Variants in PCDHGB7 observed in about 807,000 individuals in gnomAD.
PCDHGB7 encodes protocadherin gamma subfamily B, 7.
In PCDHGB7, 37 loss-of-function variants were observed where a neutral mutation model predicts 61.4. The observed-to-expected ratio is 0.60, with a 90% CI of 0.46 to 0.79. The LOEUF (loss-of-function observed/expected upper bound fraction) is 0.79. Among genes scored for constraint, PCDHGB7 ranks in the 30% least tolerant of loss-of-function variants. The probability of loss-of-function intolerance (pLI) is 0.00; values close to 1 mark genes in which losing one functional copy is unlikely to be tolerated. For synonymous variants in PCDHGB7, 464 were observed against 503.5 expected (o/e 0.92, Z 1.05); for missense variants, 1,166 against 1,202.5 (o/e 0.97, Z 0.45).
Position 141,432,211 on chromosome 5 carries a change from C to A in PCDHGB7, c.2415+11937C>A, listed in dbSNP as rs1390215329. On this transcript the variant is annotated intron_variant, in intron 1 of 3. Coordinates refer to ENST00000398594, the MANE Select transcript of PCDHGB7 (RefSeq NM_018927.4). The surrounding 1 kb of genome is among the most constrained non-coding windows in gnomAD (Gnocchi z 6.0). The stretch of plus-strand genomic sequence containing the variant: ...CCCACGACCCCGACTGTGAAGAGAA[C>A]GCCCAGATCACTTATTCCCTGGCTG... 1 of 1,614,232 alleles carries A rather than the reference C, an allele frequency of 6.2e-7. No individual in the cohort carries two copies. Among genetic ancestry groups the A allele is most frequent in the Admixed American group, 1.7e-5 (1 of 60,032 alleles).
intron 1 of PCDHGB7, chr5:141,433,063 G>T (rs1411651811): frequency 3.1e-6 from 5 of 1,614,176 alleles, no homozygotes; most frequent in Non-Finnish European, 4.2e-6. Flanking sequence ...AGAGTCACCT[G>T]ATCTTCCCCC....
intron 1 of PCDHGB7, among the ~76,000 whole-genome samples, chr5:141,457,755 A>G (rs1011599369): frequency 2.0e-5 from 3 of 152,226 alleles, no homozygotes; most frequent in African/African-American, 4.8e-5. Flanking sequence ...GAGCCCAGAC[A>G]TGGGTTTGTA....
chr5:141,423,744 A>T, intron 1 of PCDHGB7: 4 of 429,458 alleles, frequency 9.3e-6, no homozygotes, highest in Non-Finnish European at 8.7e-6. Context: ...TGTTATGAAA[A>T]CTGTTTGGGG....
chr5:141,489,042 A>T lies in PCDHGB7; in HGVS notation c.2416-5765A>T. On this transcript the variant is annotated intron_variant, in intron 1 of 3. Coordinates refer to ENST00000398594, the MANE Select transcript of PCDHGB7 (RefSeq NM_018927.4). This position sits in a 1 kb window ranked among gnomAD's most constrained non-coding sequence, Gnocchi z 4.5. ...TCTCCTCCTCCAGCTCCCCAGCTCCACTCAAATTCAGCTCCCCTCCCCCCT... is the reference window on the plus strand; with the variant it reads ...TCTCCTCCTCCAGCTCCCCAGCTCCTCTCAAATTCAGCTCCCCTCCCCCCT... The T allele has an allele frequency of 4.2e-6, 2 of 473,800 alleles. No individual in the cohort carries two copies. The highest frequency in any genetic ancestry group is 3.7e-6 in the Non-Finnish European group (1 of 270,920). 29.3% of individuals were successfully genotyped at this position (473,800 alleles called of 1,614,324 possible).
chr5:141,468,763 G>A (rs1341363934), intron 1 of PCDHGB7, among the ~76,000 whole-genome samples: 1 of 152,078 alleles, frequency 6.6e-6, no homozygotes, highest in Non-Finnish European at 1.5e-5. Flanking sequence ...CTACTCGGGA[G>A]GCTGAGGCAG....
chr5:141,485,074 G>C lies in PCDHGB7; in HGVS notation c.2416-9733G>C, dbSNP rs2099606548. ...GGCCGAACCGCGCCAGAGCTGGCGC[G>C]GGGAAAGGGAGATAGGTGTCTCCAG... On this transcript the variant is annotated intron_variant, in intron 1 of 3. Coordinates refer to ENST00000398594, the MANE Select transcript of PCDHGB7 (RefSeq NM_018927.4). The surrounding 1 kb of genome is among the most constrained non-coding windows in gnomAD (Gnocchi z 5.7). 1 of 926,946 alleles carries C rather than the reference G, an allele frequency of 1.1e-6. No individual in the cohort carries two copies. The highest frequency in any genetic ancestry group is 1.6e-5 in the South Asian group (1 of 62,606). The allele number at this position is 926,946 out of a possible 1,614,324, so 57.4% of individuals were successfully genotyped here.
chr5:141,428,304 G>C, intron 1 of PCDHGB7: 1 of 695,706 alleles, frequency 1.4e-6, no homozygotes, highest in South Asian at 1.6e-5. Flanking sequence ...AGATTTACCT[G>C]GTCGTGGCCT....
intron 1 of PCDHGB7, chr5:141,478,233 T>G: frequency 6.2e-7 from 1 of 1,614,126 alleles, no homozygotes. Context: ...GTGGGGTTTG[T>G]GGTCACAGTG....
rs752604165 is a variant in PCDHGB7, at chr5:141,494,771, G to A, written c.2416-36G>A. On this transcript the variant is annotated intron_variant, in intron 1 of 3. Coordinates refer to ENST00000398594, the MANE Select transcript of PCDHGB7 (RefSeq NM_018927.4). ...CTCGGGTGACATTCTAACTTCTCAC[G>A]GGTACTCAGCCCCTTTCCCTCTGTT... 74 of 1,613,730 alleles carry A rather than the reference G, an allele frequency of 4.6e-5. No homozygotes were observed. The East Asian group carries it at 1.6e-3, about 36-fold the overall frequency.
chr5:141,478,011 G>A (rs1216659966), intron 1 of PCDHGB7: 1 of 1,614,088 alleles, frequency 6.2e-7, no homozygotes, highest in East Asian at 2.2e-5. Flanking sequence ...AGTACTGCCC[G>A]TCCAGTCCAA....
chr5:141,487,749 A>G lies in PCDHGB7; in HGVS notation c.2416-7058A>G, dbSNP rs574710316. 3.9e-5 allele frequency: 60 copies of G among 1,557,180 alleles called. No homozygotes were observed. The African/African-American group carries it at 5.6e-4, about 14-fold the overall frequency. ...GTCACCATTTTTGTAAGAGGTAACT[A>G]TGTGGTAGACGCTGTGCTTTGTAAC... is the stretch of plus-strand genomic sequence containing the variant. On this transcript the variant is annotated intron_variant, in intron 1 of 3. Coordinates refer to ENST00000398594, the MANE Select transcript of PCDHGB7 (RefSeq NM_018927.4). The surrounding 1 kb of genome is among the most constrained non-coding windows in gnomAD (Gnocchi z 5.0).
At chr5:141,423,885 A>G in intron 1 of PCDHGB7, 6 of 1,277,816 alleles carry the variant, frequency 4.7e-6, no homozygotes, top group Non-Finnish European at 5.9e-6. Flanking sequence ...ATCTTGGCAT[A>G]TTTTCTTTTG....
chr5:141,478,589 T>C, intron 1 of PCDHGB7: 2 of 1,573,336 alleles, frequency 1.3e-6, no homozygotes, highest in Non-Finnish European at 1.7e-6. Context: ...AGTGCTTTTT[T>C]ATTCCTACAT....
chr5:141,441,018 TG>T (rs1482478700), intron 1 of PCDHGB7: 1 of 152,164 alleles, frequency 6.6e-6, no homozygotes, highest in Non-Finnish European at 1.5e-5. Context: ...GATCAAATAG[TG>T]GAGAAATGAA....
At chr5:141,465,730 T>G (rs1373873081) in intron 1 of PCDHGB7, among the ~76,000 whole-genome samples, 2 of 152,186 alleles carry the variant, frequency 1.3e-5, no homozygotes, top group Non-Finnish European at 2.9e-5. Context: ...CCTCTTGTGC[T>G]TTGTTTTCAG....
intron 2 of PCDHGB7, 88 bp from the exon 3 acceptor site, chr5:141,505,305 C>G (rs1363643214): frequency 1.0e-5 from 16 of 1,595,104 alleles, no homozygotes; most frequent in African/African-American, 2.7e-5. Flanking sequence ...GGTTAGGGTA[C>G]TAGGTTTGGG....
chr5:141,423,671 T>C (rs773279181), intron 1 of PCDHGB7: 7 of 1,550,720 alleles, frequency 4.5e-6, no homozygotes, highest in Non-Finnish European at 5.2e-6. Context: ...GTGAGATTTA[T>C]TTCTCTGCCT....
At chr5:141,458,437 C>T (rs777855535) in intron 1 of PCDHGB7, among the ~76,000 whole-genome samples, 1 of 152,026 alleles carries the variant, frequency 6.6e-6, no homozygotes, top group Non-Finnish European at 1.5e-5. Flanking sequence ...AGAGGAGGTC[C>T]CCCACATTAA....
At chr5:141,449,723 GA>G (rs1432635918) in intron 1 of PCDHGB7, among the ~76,000 whole-genome samples, 2 of 150,880 alleles carry the variant, frequency 1.3e-5, no homozygotes, top group Admixed American at 6.6e-5. Flanking sequence ...TATATGATAT[GA>G]TTTTTTTATG....
Sources: allele counts gnomAD v4.1 joint callset (sites outside exome capture counted in the v4.1 genomes callset), GRCh38; gene constraint gnomAD v4.1.1; non-coding constraint Gnocchi (gnomAD v3.1); transcripts MANE v1.5; gene names NCBI Gene and HGNC (gene_info 2026-07-23, HGNC 2026-07-21).